Variants in TTC7B observed in about 807,000 individuals in gnomAD.
The protein encoded by TTC7B is tetratricopeptide repeat domain 7B.
TTC7B carries 28 observed loss-of-function variants against 106.8 expected under a neutral mutation model. That is an observed-to-expected ratio of 0.26 (90% CI 0.19 to 0.36). The LOEUF is 0.36. TTC7B is among the 10% of genes least tolerant of loss of function. The pLI is 1.00. For missense variants in TTC7B, 862 were observed against 1,076.4 expected (o/e 0.80, Z 2.79); for synonymous variants, 405 against 430.6 (o/e 0.94, Z 0.74).
At chr14:90,703,531 A>G (rs1888083251) in intron 5 of TTC7B, among the ~76,000 whole-genome samples, 2 of 152,300 alleles carry the variant, frequency 1.3e-5, no homozygotes, top group Non-Finnish European at 1.5e-5. Flanking sequence ...TCTGGCGACC[A>G]CATTTCAAAG....
At chr14:90,606,336 T>C (rs891217206) in intron 17 of TTC7B, among the ~76,000 whole-genome samples, 1 of 152,164 alleles carries the variant, frequency 6.6e-6, no homozygotes, top group South Asian at 2.1e-4. Context: ...GTCTTACAGC[T>C]GGAGAAACAC....
chr14:90,627,787 A>G (rs1884513897), intron 15 of TTC7B, among the ~76,000 whole-genome samples: 1 of 152,214 alleles, frequency 6.6e-6, no homozygotes. Context: ...TGACATAGTT[A>G]GCTGGAATAA....
chr14:90,801,785 G>C (rs2030285445), intron 1 of TTC7B, among the ~76,000 whole-genome samples: 1 of 152,188 alleles, frequency 6.6e-6, no homozygotes, highest in African/African-American at 2.4e-5. Flanking sequence ...GCCGGGCACG[G>C]TGGCTCACGC....
At chr14:90,674,255 G>C (rs1245497412) in intron 9 of TTC7B, among the ~76,000 whole-genome samples, 2 of 152,232 alleles carry the variant, frequency 1.3e-5, no homozygotes, top group Non-Finnish European at 2.9e-5. Context: ...GACAGAGGGA[G>C]GGAGAGAGGG....
rs1203574725 is a variant in TTC7B at position 90,759,196 on chromosome 14, C to T, written c.446-14274G>A. Among the ~76,000 whole-genome samples the T allele has an allele frequency of 6.6e-6, 1 of 152,158 alleles. No individual in the cohort carries two copies. The highest frequency in any genetic ancestry group is 1.5e-5 in the Non-Finnish European group (1 of 68,024). On this transcript the variant is annotated intron_variant, in intron 3 of 19. Coordinates refer to ENST00000328459, the MANE Select transcript of TTC7B (RefSeq NM_001010854.2). This position sits in a 1 kb window ranked among gnomAD's most constrained non-coding sequence, Gnocchi z 4.1. ...GAGCCGCACATGACTCTCTCCTTCT[C>T]CACAGAACAATCTGTGTTCTGCTCC...
Position 90,575,059 on chromosome 14 carries a change from C to T in TTC7B, c.2310+3047G>A, listed in dbSNP as rs550327773. ...AACTGTCAACGCTCAGCTCTGTTTC[C>T]GCCACTCTCCGCCACACAGGTCGGG... On this transcript the variant is annotated intron_variant, in intron 19 of 19. Coordinates refer to ENST00000328459, the MANE Select transcript of TTC7B (RefSeq NM_001010854.2). The surrounding 1 kb of genome is among the most constrained non-coding windows in gnomAD (Gnocchi z 5.2). 3.9e-5 allele frequency among the ~76,000 whole-genome samples: 6 copies of T among 152,266 alleles called. No individual in the cohort carries two copies. The highest frequency in any genetic ancestry group is 1.3e-4 in the Admixed American group (2 of 15,294).
intron 5 of TTC7B, among the ~76,000 whole-genome samples, chr14:90,696,998 T>G (rs984139778): frequency 6.6e-6 from 1 of 152,136 alleles, no homozygotes; most frequent in Admixed American, 6.5e-5. Context: ...GGGAAGGAAA[T>G]AGCTACAGCT....
At chr14:90,736,583 G>C (rs549118742) in intron 4 of TTC7B, among the ~76,000 whole-genome samples, 5 of 151,580 alleles carry the variant, frequency 3.3e-5, no homozygotes, top group East Asian at 3.9e-4. Flanking sequence ...GAAAAAAAAG[G>C]GGGGGTGGGT....
chr14:90,771,449 C>T (rs1279174657), intron 3 of TTC7B, among the ~76,000 whole-genome samples: 1 of 152,070 alleles, frequency 6.6e-6, no homozygotes, highest in Non-Finnish European at 1.5e-5. Flanking sequence ...CAAAAATTAA[C>T]CAGGTGTGGT....
At chr14:90,567,051 G>A (rs1468513297) in intron 19 of TTC7B, among the ~76,000 whole-genome samples, 1 of 152,106 alleles carries the variant, frequency 6.6e-6, no homozygotes, top group African/African-American at 2.4e-5. Context: ...GGGCGGGGAG[G>A]GGTGGTCTCC....
chr14:90,573,268 G>A (rs1275783969), intron 19 of TTC7B, among the ~76,000 whole-genome samples: 1 of 152,190 alleles, frequency 6.6e-6, no homozygotes, highest in Non-Finnish European at 1.5e-5. Context: ...GGACGCAGCA[G>A]TTCTCCTCCT....
chr14:90,724,947 A>G (rs1889034134), intron 5 of TTC7B, among the ~76,000 whole-genome samples: 1 of 152,190 alleles, frequency 6.6e-6, no homozygotes, highest in South Asian at 2.1e-4. Context: ...ACCATGTCAT[A>G]ACCTTTAAAG....
intron 15 of TTC7B, among the ~76,000 whole-genome samples, chr14:90,642,134 T>G (rs1885208022): frequency 6.6e-6 from 1 of 152,168 alleles, no homozygotes; most frequent in African/African-American, 2.4e-5. Context: ...AGAAATATAG[T>G]TGGTGTACAA....
At chr14:90,693,764 G>A (rs753939445) in intron 6 of TTC7B, among the ~76,000 whole-genome samples, 1 of 152,210 alleles carries the variant, frequency 6.6e-6, no homozygotes, top group Non-Finnish European at 1.5e-5. Flanking sequence ...TGGTGGGAAT[G>A]TAATATGGTA....
chr14:90,804,457 AG>A (rs2030483059), intron 1 of TTC7B, among the ~76,000 whole-genome samples: 1 of 152,108 alleles, frequency 6.6e-6, no homozygotes, highest in Admixed American at 6.5e-5. Context: ...CGCTGAGAGG[AG>A]TGTCCAGAGC....
At chr14:90,655,504 T>C (rs1202989337) in intron 11 of TTC7B, among the ~76,000 whole-genome samples, 3 of 152,160 alleles carry the variant, frequency 2.0e-5, no homozygotes, top group Non-Finnish European at 2.9e-5. Context: ...AGCCTTTCTT[T>C]CCCCCCCTAC....
At chr14:90,652,079 T>C (rs969428835) in intron 13 of TTC7B, among the ~76,000 whole-genome samples, 1 of 152,140 alleles carries the variant, frequency 6.6e-6, no homozygotes. Context: ...AAGAATAAAA[T>C]GAGGGCAGTG....
At chr14:90,678,834 A>G (rs1259313108) in intron 8 of TTC7B, among the ~76,000 whole-genome samples, 3 of 152,240 alleles carry the variant, frequency 2.0e-5, no homozygotes, top group South Asian at 2.1e-4. Context: ...ACTGGAACAC[A>G]TCATCTGACA....
chr14:90,780,429 A>AAG (rs1172485824), intron 3 of TTC7B, among the ~76,000 whole-genome samples: 4 of 124,812 alleles, frequency 3.2e-5, no homozygotes, highest in East Asian at 2.3e-4. Flanking sequence ...GAAAGAAAGA[A>AAG]AGAGAGAGAG....
Sources: gnomAD v4.1 joint callset for allele counts (sites outside exome capture counted in the v4.1 genomes callset) on GRCh38, gnomAD v4.1.1 for gene constraint, Gnocchi (gnomAD v3.1) non-coding constraint, MANE v1.5 for transcripts, NCBI Gene and HGNC (gene_info 2026-07-23, HGNC 2026-07-21) for gene names.